BTBD2: variants seen among roughly 807,000 people sequenced by gnomAD.
The protein encoded by BTBD2 is BTB domain containing 2, also known as BTB/POZ domain-containing protein 2.
In BTBD2, 15 loss-of-function variants were observed where a neutral mutation model predicts 44.0. The observed-to-expected ratio is 0.34, with a 90% CI of 0.23 to 0.53. BTBD2 has a LOEUF of 0.53. Ranked by LOEUF, BTBD2 falls within the 20% of genes least tolerant of loss-of-function variation. The pLI, the probability that BTBD2 is intolerant of heterozygous loss-of-function variation, is 0.95. For missense variants in BTBD2, 657 were observed against 746.4 expected (o/e 0.88, Z 1.39); for synonymous variants, 443 against 335.9 (o/e 1.32, Z -3.49).
intron 3 of BTBD2, chr19:1,991,353 T>A (rs577809020): frequency 6.4e-6 from 1 of 156,726 alleles, no homozygotes; most frequent in African/African-American, 2.4e-5. Context: ...AAACAGAGGC[T>A]TAGTTAGTGG....
At chr19:2,011,309 C>T (rs1030594586) in intron 1 of BTBD2, among the ~76,000 whole-genome samples, 4 of 152,152 alleles carry the variant, frequency 2.6e-5, no homozygotes, top group Non-Finnish European at 4.4e-5. Context: ...CCGTCCCCAC[C>T]GAGCCCGCTG....
intron 1 of BTBD2, chr19:2,014,372 C>T (rs1020392544): frequency 2.0e-4 from 29 of 146,390 alleles, no homozygotes; most frequent in Non-Finnish European, 3.7e-4. Context: ...TAGGGGTACA[C>T]GTCCCAGGGT....
At chr19:2,013,239 C>T (rs1394825824) in intron 1 of BTBD2, among the ~76,000 whole-genome samples, 1 of 152,178 alleles carries the variant, frequency 6.6e-6, no homozygotes, top group Non-Finnish European at 1.5e-5. Context: ...CCCTCCAGTG[C>T]CCGCAGCAAG....
Position 1,986,467 on chromosome 19 carries a change from G to T in BTBD2, c.*21C>A, listed in dbSNP as rs1568213038. 1.2e-6 allele frequency: 2 copies of T among 1,609,942 alleles called. No homozygotes were observed. Among genetic ancestry groups the T allele is most frequent in the East Asian group, 2.2e-5 (1 of 44,794 alleles). On this transcript the variant is annotated 3_prime_UTR_variant, in exon 9 of 9. Transcript: ENST00000255608. ...CTGCGGCTATCCCCACGGAGGGAGG[G>T]CGGTGTCGGTGTCGGGCAGCCTAGG... is the stretch of plus-strand genomic sequence containing the variant.
chr19:2,005,312 G>C (rs1204894100), intron 1 of BTBD2, among the ~76,000 whole-genome samples: 1 of 151,646 alleles, frequency 6.6e-6, no homozygotes, highest in African/African-American at 2.4e-5. Context: ...GAATGACCCT[G>C]ACGTTTAACA....
intron 1 of BTBD2, among the ~76,000 whole-genome samples, chr19:2,007,837 T>TA (rs1210867817): frequency 2.0e-5 from 3 of 151,678 alleles, no homozygotes; most frequent in Admixed American, 2.0e-4. Context: ...CAAAAAATAA[T>TA]AAAACAAAAC....
chr19:2,003,270 A>C (rs1200296455), intron 1 of BTBD2: 1 of 151,634 alleles, frequency 6.6e-6, no homozygotes, highest in Non-Finnish European at 1.5e-5. Context: ...TCGGGAGTTC[A>C]AGACCAGCCT....
rs3746063 is a variant in BTBD2 at position 1,985,913 on chromosome 19, G to A, written c.*575C>T. 0.023 allele frequency: 3,503 copies of A among 155,144 alleles called. 65 individuals carry two copies. The highest frequency in any genetic ancestry group is 0.06 in the Admixed American group (951 of 15,790). The allele number at this position is 155,144 out of a possible 1,614,324, so 9.6% of individuals were successfully genotyped here. On this transcript the variant is annotated 3_prime_UTR_variant, in exon 9 of 9. Transcript: ENST00000255608. Reference sequence around the variant, plus strand: ...GGGCCGTCCCCACACTGAATCCTGCGTGCGCAGAACTCAAGCCGGCATCCA... The same window carrying A: ...GGGCCGTCCCCACACTGAATCCTGCATGCGCAGAACTCAAGCCGGCATCCA...
intron 6 of BTBD2, 35 bp downstream of exon 6, chr19:1,987,465 T>G (rs1568213847): frequency 3.8e-5 from 26 of 686,662 alleles, no homozygotes; most frequent in East Asian, 5.6e-5. Context: ...TCCACCCCCA[T>G]GTCCGGACCC....
At chr19:1,987,350 C>G (rs1157163153) in intron 6 of BTBD2, 97 bp from the exon 7 acceptor site, 3 of 1,443,790 alleles carry the variant, frequency 2.1e-6, no homozygotes, top group Non-Finnish European at 2.8e-6. Flanking sequence ...CCTCCATCGT[C>G]CCTGAGTCCT....
intron 1 of BTBD2, among the ~76,000 whole-genome samples, chr19:1,997,866 A>T (rs1384814335): frequency 6.6e-6 from 1 of 152,218 alleles, no homozygotes; most frequent in Non-Finnish European, 1.5e-5. Context: ...GCTCATTCAC[A>T]TGCATTCATT....
intron 1 of BTBD2, among the ~76,000 whole-genome samples, chr19:2,006,225 C>A (rs1189103729): frequency 2.0e-5 from 3 of 152,204 alleles, no homozygotes; most frequent in African/African-American, 7.2e-5. Flanking sequence ...CTGTCCACAT[C>A]TGTAGTCCGT....
intron 1 of BTBD2, among the ~76,000 whole-genome samples, chr19:1,997,715 G>T (rs1297869841): frequency 6.6e-6 from 1 of 152,200 alleles, no homozygotes; most frequent in Non-Finnish European, 1.5e-5. Flanking sequence ...CTCACGCTCT[G>T]CCAGCCCTCA....
rs200752954 is a variant in BTBD2 at position 1,987,615 on chromosome 19, G to T, written c.1066C>A (p.Arg356=). ...FLHFTVNPKP[R]VEFIDRPRCC... ...CGGGGCCGGTCAATGAACTCCACTC[G>T]TGGCTTGGGGTTGACGGTGAAGTGC... The change falls in exon 6 of 9, where the codon CGA becomes AGA. Residue 356 remains arginine, a synonymous_variant. Coordinates refer to ENST00000255608, the MANE Select transcript of BTBD2 (RefSeq NM_017797.4). 8 of 1,612,704 alleles carry T rather than the reference G, an allele frequency of 5.0e-6. No individual in the cohort carries two copies. In the African/African-American group the frequency reaches 9.3e-5, roughly 19 times the overall value.
In BTBD2 at chr19:1,986,897, C is replaced by G. The variant is rs543463977; in HGVS notation, c.1349G>C (p.Arg450Pro). 6.2e-7 allele frequency: 1 copy of G among 1,613,192 alleles called. No homozygotes were observed. The highest frequency in any genetic ancestry group is 8.5e-7 in the Non-Finnish European group (1 of 1,179,812). The change falls in exon 8 of 9, where the codon CGC becomes CCC. Residue 450 changes from arginine to proline, a missense_variant. Arg to Pro is a moderately radical substitution (Grantham distance 103, BLOSUM62 -2). This residue lies in a region of BTBD2 where 449 missense variants were observed against 510.9 expected (regional missense o/e 0.88). Transcript: ENST00000255608. ...CTCCACCGGCTCCTTGAACATGACG[C>G]GGAAGGTGCTGGCTGAGCCGTCGCA... ...FSCDGSASTF[R>P]VMFKEPVEVL...
At chr19:2,009,330 C>G (rs1599360737) in intron 1 of BTBD2, among the ~76,000 whole-genome samples, 1 of 152,010 alleles carries the variant, frequency 6.6e-6, no homozygotes, top group Non-Finnish European at 1.5e-5. Context: ...TCCCAAGTAG[C>G]TGGGATTACA....
At chr19:2,013,230 C>A (rs2016489878) in intron 1 of BTBD2, among the ~76,000 whole-genome samples, 1 of 152,286 alleles carries the variant, frequency 6.6e-6, no homozygotes, top group African/African-American at 2.4e-5. Context: ...GGACCCTCCC[C>A]CTCCAGTGCC....
intron 4 of BTBD2, chr19:1,990,415 A>T (rs2016158794): frequency 1.6e-6 from 1 of 631,006 alleles, no homozygotes. Context: ...TTTTTAAGCC[A>T]CAAGGACAGA....
chr19:1,991,635 G>C (rs1191694443), intron 3 of BTBD2, among the ~76,000 whole-genome samples: 1 of 152,190 alleles, frequency 6.6e-6, no homozygotes, highest in Non-Finnish European at 1.5e-5. Flanking sequence ...AGGGGGAGAA[G>C]GTTCTGGGTC....
Sources: allele counts gnomAD v4.1 joint callset (sites outside exome capture counted in the v4.1 genomes callset), GRCh38; gene constraint gnomAD v4.1.1; regional missense constraint gnomAD v4.1.1; transcripts MANE v1.5; gene names NCBI Gene and HGNC (gene_info 2026-07-23, HGNC 2026-07-21).